Variants in UBE4A observed in about 807,000 individuals in gnomAD.
UBE4A encodes the protein ubiquitination factor E4A.
Under a neutral mutation model 117.9 loss-of-function variants are expected in UBE4A, and 48 were observed. That is an observed-to-expected ratio of 0.41 (90% CI 0.32 to 0.52). UBE4A has a LOEUF of 0.52. Ranked by LOEUF, UBE4A falls within the 20% of genes least tolerant of loss-of-function variation. UBE4A has a pLI of 0.33. For synonymous variants in UBE4A, 407 were observed against 450.0 expected (o/e 0.90, Z 1.21); for missense variants, 1,067 against 1,296.3 (o/e 0.82, Z 2.72).
intron 19 of UBE4A, 130 bp from the exon 20 acceptor site, chr11:118,396,184 G>A (rs147389797): frequency 1.4e-4 from 155 of 1,108,666 alleles, no homozygotes; most frequent in Middle Eastern, 1.1e-3. Flanking sequence ...ACCCCAACTC[G>A]GCATTTGACT....
chr11:118,359,879 T>C (rs1250864338), intron 1 of UBE4A, among the ~76,000 whole-genome samples: 4 of 152,194 alleles, frequency 2.6e-5, no homozygotes, highest in Non-Finnish European at 5.9e-5. Flanking sequence ...TTCTGATGTC[T>C]CTTTGTACAT....
chr11:118,387,085 C>T (rs763098492), intron 16 of UBE4A, among the ~76,000 whole-genome samples: 1 of 152,152 alleles, frequency 6.6e-6, no homozygotes, highest in African/African-American at 2.4e-5. Context: ...GCTATAAGTA[C>T]AAGACTTAGT....
rs557022100 is a variant in UBE4A at position 118,369,320 on chromosome 11, A to C, written c.296-103A>C. 17 of 761,274 alleles carry C rather than the reference A, an allele frequency of 2.2e-5. No homozygotes were observed. The East Asian group carries it at 4.2e-4, about 19-fold the overall frequency. 47.2% of individuals were successfully genotyped at this position (761,274 alleles called of 1,614,324 possible). On this transcript the variant is annotated intron_variant, in intron 3 of 19. Transcript: ENST00000252108. ...TGTGTATCAGGATCATTCTGGTATTACTTGAGTCAGATTTGCAGTTCAAGA... is the reference window on the plus strand; with the variant it reads ...TGTGTATCAGGATCATTCTGGTATTCCTTGAGTCAGATTTGCAGTTCAAGA...
In UBE4A at chr11:118,389,736, C is replaced by G; in HGVS notation, c.2599C>G (p.Leu867Val). Reference sequence around the variant, plus strand: ...GGATTCTTTTCCAGAGATCAAGTCACTCTTTGTGCATCCCTTCCTGGCTGA... The same window carrying G: ...GGATTCTTTTCCAGAGATCAAGTCAGTCTTTGTGCATCCCTTCCTGGCTGA... ...LAFLTSEIKS[L>V]FVHPFLAERI... Residue 867 changes from leucine to valine, a missense_variant, in exon 17 of 20, where the codon CTC becomes GTC. Transcript: ENST00000252108. The G allele has an allele frequency of 6.2e-7, 1 of 1,604,030 alleles. No individual in the cohort carries two copies. Among genetic ancestry groups the G allele is most frequent in the Non-Finnish European group, 8.5e-7 (1 of 1,172,164 alleles).
intron 18 of UBE4A, among the ~76,000 whole-genome samples, chr11:118,391,059 G>A (rs1211133852): frequency 6.6e-6 from 1 of 152,132 alleles, no homozygotes; most frequent in Non-Finnish European, 1.5e-5. Context: ...CAGCTGTGCT[G>A]ATTTTTACTC....
At chr11:118,374,772 G>A in intron 8 of UBE4A, 124 bp from the exon 9 acceptor site, 1 of 875,584 alleles carries the variant, frequency 1.1e-6, no homozygotes, top group Non-Finnish European at 1.6e-6. Flanking sequence ...AGGGGATGAG[G>A]CACAGAGAGT....
chr11:118,365,049 C>T lies in UBE4A; in HGVS notation c.-32C>T, dbSNP rs1302778858. On this transcript the variant is annotated 5_prime_UTR_variant, in exon 2 of 20. Transcript: ENST00000252108. ...CCTGTCCTTTGAACAGCCTCTCCCA[C>T]TAGGTCTGGATGGAGGATACCTTAA... 6.8e-6 allele frequency: 11 copies of T among 1,608,642 alleles called. No individual in the cohort carries two copies. The highest frequency in any genetic ancestry group is 9.3e-6 in the Non-Finnish European group (11 of 1,177,516).
At chr11:118,386,328 C>A in intron 15 of UBE4A, 110 bp from the exon 16 acceptor site, 1 of 1,192,778 alleles carries the variant, frequency 8.4e-7, no homozygotes, top group Non-Finnish European at 1.1e-6. Context: ...TTTACATGGT[C>A]CCTCGTTTTC....
chr11:118,379,360 A>G, intron 10 of UBE4A, 86 bp from the exon 11 acceptor site: 1 of 1,416,768 alleles, frequency 7.1e-7, no homozygotes. Flanking sequence ...ATCCTTAAAG[A>G]GAAGGCTAGA....
chr11:118,377,295 C>T (rs1350909044), intron 10 of UBE4A, among the ~76,000 whole-genome samples: 2 of 152,148 alleles, frequency 1.3e-5, no homozygotes, highest in African/African-American at 4.8e-5. Context: ...GCAACCTCCG[C>T]CTCCTGGGTT....
chr11:118,375,224 TGA>T lies in UBE4A; in HGVS notation c.1449_1450del (p.Gly484PhefsTer43). The T allele has an allele frequency of 6.2e-7, 1 of 1,603,668 alleles. No individual in the cohort carries two copies. The highest frequency in any genetic ancestry group is 8.5e-7 in the Non-Finnish European group (1 of 1,173,180). On this transcript the variant is annotated frameshift_variant, in exon 9 of 20. Transcript: ENST00000252108. LOFTEE classifies it high-confidence loss of function. ...GAACGAAAAATTAAAAATGTACACA[TGA>T]GAGGTAGGAGAGAACCAGGCTTCTC...
intron 16 of UBE4A, 107 bp downstream of exon 16, chr11:118,386,719 A>G: frequency 8.3e-7 from 1 of 1,211,230 alleles, no homozygotes; most frequent in East Asian, 2.8e-5. Flanking sequence ...TGGTGACAGT[A>G]TCCTCCACAT....
Position 118,379,452 on chromosome 11 carries a change from T to A in UBE4A, c.1578T>A (p.His526Gln), listed in dbSNP as rs781916872. Residue 526 changes from histidine to glutamine, a missense_variant, in exon 11 of 20, where the codon CAT becomes CAA. This residue lies in a region of UBE4A where 1,001 missense variants were observed against 1,184.0 expected (regional missense o/e 0.85). Coordinates refer to ENST00000252108, the MANE Select transcript of UBE4A (RefSeq NM_001204077.2). ...TCTGCTTTCTTGGGGGCAGGTTGCA[T>A]GATCAGATGGTAAAAATCAACCAAA... ...YTLYLGFHRL[H>Q]DQMVKINQNL... is the part of the protein sequence containing the mutation. 1.9e-6 allele frequency: 3 copies of A among 1,611,666 alleles called. No homozygotes were observed. The highest frequency in any genetic ancestry group is 1.7e-5 in the Admixed American group (1 of 60,006).
chr11:118,394,755 C>T (rs1948853101), intron 19 of UBE4A, among the ~76,000 whole-genome samples: 1 of 144,524 alleles, frequency 6.9e-6, no homozygotes, highest in Non-Finnish European at 1.5e-5. Flanking sequence ...GTCTGGGTGA[C>T]AGAGCGAGAC....
intron 8 of UBE4A, 146 bp downstream of exon 8, chr11:118,373,831 G>A (rs935742824): frequency 1.9e-6 from 2 of 1,037,816 alleles, no homozygotes. Flanking sequence ...TTAAAACTGG[G>A]CATGGTAGCT....
chr11:118,391,046 C>T (rs904710674), intron 18 of UBE4A, among the ~76,000 whole-genome samples: 4 of 152,242 alleles, frequency 2.6e-5, no homozygotes, highest in Middle Eastern at 3.4e-3. Flanking sequence ...CAGATTGTCA[C>T]CTCAGCTGTG....
intron 11 of UBE4A, among the ~76,000 whole-genome samples, chr11:118,380,116 AGTGTGT>A (rs56027138): frequency 7.0e-6 from 1 of 142,592 alleles, no homozygotes; most frequent in Non-Finnish European, 1.5e-5. Flanking sequence ...GAAGGGAAAG[AGTGTGT>A]GTGTGTGTGT....
Position 118,365,061 on chromosome 11 carries a change from G to A in UBE4A, c.-20G>A. ...ACAGCCTCTCCCACTAGGTCTGGAT[G>A]GAGGATACCTTAAAGTGAAATGACA... On this transcript the variant is annotated 5_prime_UTR_variant, in exon 2 of 20. An upstream start codon of the reference 5' UTR is lost. Transcript: ENST00000252108. 1.9e-6 allele frequency: 3 copies of A among 1,612,738 alleles called. No individual in the cohort carries two copies. Among genetic ancestry groups the A allele is most frequent in the Non-Finnish European group, 2.5e-6 (3 of 1,179,434 alleles).
At chr11:118,376,249 A>G (rs1555125347) in intron 9 of UBE4A, among the ~76,000 whole-genome samples, 2 of 152,260 alleles carry the variant, frequency 1.3e-5, no homozygotes, top group African/African-American at 4.8e-5. Flanking sequence ...TTCCAGTTTT[A>G]TAATTCTAAT....
Sources: gnomAD v4.1 joint callset for allele counts (sites outside exome capture counted in the v4.1 genomes callset) on GRCh38, gnomAD v4.1.1 for gene constraint, gnomAD v4.1.1 regional missense constraint, MANE v1.5 for transcripts, NCBI Gene and HGNC (gene_info 2026-07-23, HGNC 2026-07-21) for gene names.